Variants in HIF1A observed in about 807,000 individuals in gnomAD.
HIF1A encodes the protein hypoxia-inducible factor 1-alpha.
In HIF1A, 24 loss-of-function variants were observed where a neutral mutation model predicts 92.7. That is an observed-to-expected ratio of 0.26 (90% CI 0.19 to 0.36). HIF1A has a LOEUF of 0.36. Ranked by LOEUF, HIF1A falls within the 10% of genes least tolerant of loss-of-function variation. The pLI, the probability that HIF1A is intolerant of heterozygous loss-of-function variation, is 1.00. For missense variants in HIF1A, 799 were observed against 998.5 expected (o/e 0.80, Z 2.69); for synonymous variants, 319 against 338.7 (o/e 0.94, Z 0.64).
chr14:61,735,254 G>T (rs1471478960), intron 8 of HIF1A, among the ~76,000 whole-genome samples: 2 of 152,106 alleles, frequency 1.3e-5, no homozygotes, highest in African/African-American at 4.8e-5. Context: ...TCATACTCAC[G>T]CATTAGAGAT....
At chr14:61,712,622 T>C (rs764470427) in intron 1 of HIF1A, among the ~76,000 whole-genome samples, 4 of 149,206 alleles carry the variant, frequency 2.7e-5, no homozygotes, top group African/African-American at 5.0e-5. Context: ...ATCCAGATAA[T>C]TGTAGTAAAT....
At chr14:61,745,643 A>G (rs775196128) in intron 13 of HIF1A, 48 bp from the exon 14 acceptor site, 1 of 1,560,782 alleles carries the variant, frequency 6.4e-7, no homozygotes, top group Non-Finnish European at 8.8e-7. Flanking sequence ...TGGTTGTTTA[A>G]AAAAAAAATT....
rs1358798518 is a variant in HIF1A at position 61,720,273 on chromosome 14, A to ATC, written c.36-107_36-106dup. 7 of 695,862 alleles carry ATC rather than the reference A, an allele frequency of 1.0e-5. No individual in the cohort carries two copies. The East Asian group carries it at 1.8e-4, about 18-fold the overall frequency. The allele number at this position is 695,862 out of a possible 1,614,324, so 43.1% of individuals were successfully genotyped here. A position where few individuals can be genotyped will look rare whatever the true frequency, so the allele number is the denominator to read the frequency against. On this transcript the variant is annotated intron_variant, in intron 1 of 14. Coordinates refer to ENST00000337138, the MANE Select transcript of HIF1A (RefSeq NM_001530.4). ...TCTCCATGTAACTTAATTACATGGC[A>ATC]TCTTCTAATCCTTCTGTGATAAGCA...
At position 61,695,551 on chromosome 14, in the gene HIF1A, C is replaced by T; in HGVS notation, c.-254C>T. Reference sequence around the variant, plus strand: ...GCCTCGTCTGAGGGGACAGGAGGATCACCCTCTTCGTCGCTTCGGCCAGTG... The same window carrying T: ...GCCTCGTCTGAGGGGACAGGAGGATTACCCTCTTCGTCGCTTCGGCCAGTG... On this transcript the variant is annotated 5_prime_UTR_variant, in exon 1 of 15. Transcript: ENST00000337138. 1.7e-6 allele frequency: 1 copy of T among 573,436 alleles called. No homozygotes were observed. Among genetic ancestry groups the T allele is most frequent in the East Asian group, 3.0e-5 (1 of 32,960 alleles). The allele number at this position is 573,436 out of a possible 1,614,324, so 35.5% of individuals were successfully genotyped here.
intron 6 of HIF1A, among the ~76,000 whole-genome samples, chr14:61,729,901 C>G (rs1381750415): frequency 6.6e-6 from 1 of 152,100 alleles, no homozygotes; most frequent in Non-Finnish European, 1.5e-5. Context: ...GTTTAGAGCT[C>G]TTTCCAGGAA....
chr14:61,730,033 T>C (rs1021103335), intron 6 of HIF1A, among the ~76,000 whole-genome samples: 2 of 152,206 alleles, frequency 1.3e-5, no homozygotes, highest in African/African-American at 4.8e-5. Context: ...CTATTTACTA[T>C]ACTGAGTAAT....
At chr14:61,727,027 T>C (rs2044514424) in intron 5 of HIF1A, among the ~76,000 whole-genome samples, 1 of 152,230 alleles carries the variant, frequency 6.6e-6, no homozygotes, top group South Asian at 2.1e-4. Flanking sequence ...TTAAATTACG[T>C]GAATTGTGGC....
intron 12 of HIF1A, among the ~76,000 whole-genome samples, chr14:61,742,044 A>G (rs1566578084): frequency 6.6e-6 from 1 of 152,226 alleles, no homozygotes; most frequent in Non-Finnish European, 1.5e-5. Context: ...TTTGTAGAAC[A>G]TTAGCTATAT....
chr14:61,738,670 G>C (rs1023640682), intron 10 of HIF1A, among the ~76,000 whole-genome samples: 11 of 152,102 alleles, frequency 7.2e-5, no homozygotes, highest in Admixed American at 1.3e-4. Context: ...TCTTGAATTT[G>C]GACATTTAAA....
intron 7 of HIF1A, among the ~76,000 whole-genome samples, chr14:61,733,475 T>TA (rs2044600329): frequency 6.6e-6 from 1 of 152,210 alleles, no homozygotes; most frequent in African/African-American, 2.4e-5. Context: ...CAAGATAAGT[T>TA]AAACTTTGGA....
chr14:61,739,148 A>C (rs896384944), intron 10 of HIF1A, among the ~76,000 whole-genome samples: 5 of 152,298 alleles, frequency 3.3e-5, no homozygotes, highest in African/African-American at 1.2e-4. Flanking sequence ...ATTTAGTCTA[A>C]TTTCCATCAC....
chr14:61,712,690 G>A (rs1301416739), intron 1 of HIF1A, among the ~76,000 whole-genome samples: 1 of 150,598 alleles, frequency 6.6e-6, no homozygotes, highest in Non-Finnish European at 1.5e-5. Flanking sequence ...ATTATGATTA[G>A]GAGCACTAAT....
intron 1 of HIF1A, among the ~76,000 whole-genome samples, chr14:61,711,923 C>T (rs2044312993): frequency 6.6e-6 from 1 of 152,098 alleles, no homozygotes. Context: ...TTAATTCATA[C>T]ATTCAGCCAG....
At chr14:61,742,624 C>G (rs3783751) in intron 12 of HIF1A, among the ~76,000 whole-genome samples, 132,410 of 152,070 alleles carry the variant, frequency 0.87, 58,909 homozygotes, top group Non-Finnish European at 0.96. Flanking sequence ...AGTGGCTCAT[C>G]ACTGTAATCT....
intron 4 of HIF1A, among the ~76,000 whole-genome samples, chr14:61,723,405 G>C (rs2044457991): frequency 6.6e-6 from 1 of 152,204 alleles, no homozygotes; most frequent in Admixed American, 6.5e-5. Flanking sequence ...CAGAGCTTGG[G>C]CTGAACTTCA....
At position 61,695,625 on chromosome 14, in the gene HIF1A, G is replaced by C; in HGVS notation, c.-180G>C. 1 of 658,556 alleles carries C rather than the reference G, an allele frequency of 1.5e-6. No individual in the cohort carries two copies. Among genetic ancestry groups the C allele is most frequent in the South Asian group, 1.9e-5 (1 of 52,504 alleles). The allele number at this position is 658,556 out of a possible 1,614,324, so 40.8% of individuals were successfully genotyped here. A position where few individuals can be genotyped will look rare whatever the true frequency, so the allele number is the denominator to read the frequency against. On this transcript the variant is annotated 5_prime_UTR_variant, in exon 1 of 15. Coordinates refer to ENST00000337138, the MANE Select transcript of HIF1A (RefSeq NM_001530.4). Reference sequence around the variant, plus strand: ...CACCTGAGGAGAGGCTCGGAGCCGGGCCCGGACCCCGGCGATTGCCGCCCG... The same window carrying C: ...CACCTGAGGAGAGGCTCGGAGCCGGCCCCGGACCCCGGCGATTGCCGCCCG...
At chr14:61,706,495 A>G (rs1232615584) in intron 1 of HIF1A, among the ~76,000 whole-genome samples, 1 of 152,236 alleles carries the variant, frequency 6.6e-6, no homozygotes, top group Non-Finnish European at 1.5e-5. Context: ...AGTATTGTGA[A>G]ACTCACTATA....
Position 61,746,392 on chromosome 14 carries a change from C to CTT in HIF1A, c.2330-521_2330-520dup, listed in dbSNP as rs754879947. Among the ~76,000 whole-genome samples, 363 of 49,364 alleles carry CTT rather than the reference C, an allele frequency of 7.4e-3. 15 individuals are homozygous for CTT. The highest frequency in any genetic ancestry group is 0.022 in the Middle Eastern group (2 of 92). The allele number at this position is 49,364 out of a possible 152,430, so 32.4% of individuals were successfully genotyped here. On this transcript the variant is annotated intron_variant, in intron 14 of 14. Coordinates refer to ENST00000337138, the MANE Select transcript of HIF1A (RefSeq NM_001530.4). ...TGAAATTTGTGAACTTTTATGACTT[C>CTT]TTTTTTTTTTTTTTTTTTTTTTGAG... is the stretch of plus-strand genomic sequence containing the variant.
At chr14:61,707,449 C>G (rs2044252559) in intron 1 of HIF1A, among the ~76,000 whole-genome samples, 1 of 152,112 alleles carries the variant, frequency 6.6e-6, no homozygotes, top group South Asian at 2.1e-4. Flanking sequence ...AATGCTATCC[C>G]TCCCCGCTCC....
Sources: allele counts gnomAD v4.1 joint callset (sites outside exome capture counted in the v4.1 genomes callset), GRCh38; gene constraint gnomAD v4.1.1; transcripts MANE v1.5; gene names NCBI Gene and HGNC (gene_info 2026-07-23, HGNC 2026-07-21).